Variants in TTC7B observed in about 807,000 individuals in gnomAD.
TTC7B encodes the protein tetratricopeptide repeat protein 7B.
TTC7B carries 28 observed loss-of-function variants against 106.8 expected under a neutral mutation model. The observed-to-expected ratio is 0.26, with a 90% CI of 0.19 to 0.36. The LOEUF (loss-of-function observed/expected upper bound fraction) is 0.36, where lower values mean the gene tolerates loss of function less well. TTC7B is among the 10% of genes least tolerant of loss of function. The pLI is 1.00. For missense variants in TTC7B, 862 were observed against 1,076.4 expected, an observed-to-expected ratio of 0.80 and a Z score of 2.79; for synonymous variants, 405 against 430.6, an observed-to-expected ratio of 0.94 and a Z score of 0.74.
chr14:90,617,399 G>A (rs1326957322), intron 16 of TTC7B, among the ~76,000 whole-genome samples: 2 of 152,160 alleles, frequency 1.3e-5, no homozygotes, highest in African/African-American at 4.8e-5. Context: ...CCTGGTTCCT[G>A]CATTAGTTAA....
chr14:90,572,438 C>T (rs117998347), intron 19 of TTC7B, among the ~76,000 whole-genome samples: 90 of 152,360 alleles, frequency 5.9e-4, no homozygotes, highest in Non-Finnish European at 9.6e-4. Flanking sequence ...CATCAATCTG[C>T]CGCACCTTCG....
intron 19 of TTC7B, among the ~76,000 whole-genome samples, chr14:90,571,780 T>A (rs1286491): frequency 0.24 from 35,842 of 152,066 alleles, 4,973 homozygotes; most frequent in African/African-American, 0.4. Context: ...AACAGAAGGG[T>A]TCAAAAGATG....
chr14:90,578,008 T>C lies in TTC7B; in HGVS notation c.2310+98A>G. On this transcript the variant is annotated intron_variant, in intron 19 of 19. Transcript: ENST00000328459. This position sits in a 1 kb window ranked among gnomAD's most constrained non-coding sequence, Gnocchi z 4.7. The stretch of plus-strand genomic sequence containing the variant: ...TGGCAAGCTAACTGCATGGGGCCTT[T>C]GGAAGCAGAAGAGGGTGTGAGGGTC... The C allele has an allele frequency of 7.0e-7, 1 of 1,422,846 alleles. No individual in the cohort carries two copies. The highest frequency in any genetic ancestry group is 2.0e-5 in the Admixed American group (1 of 49,868). The allele number at this position is 1,422,846 out of a possible 1,614,324, so 88.1% of individuals were successfully genotyped here. A position where few individuals can be genotyped will look rare whatever the true frequency, so the allele number is the denominator to read the frequency against.
chr14:90,768,801 A>G (rs1002408713), intron 3 of TTC7B, among the ~76,000 whole-genome samples: 4 of 152,268 alleles, frequency 2.6e-5, no homozygotes, highest in African/African-American at 9.6e-5. Context: ...ATTAGCAATT[A>G]TAAAACTAGT....
intron 15 of TTC7B, among the ~76,000 whole-genome samples, chr14:90,636,533 A>G (rs976186973): frequency 2.0e-5 from 3 of 151,970 alleles, no homozygotes; most frequent in Non-Finnish European, 2.9e-5. Context: ...AAAACAAAAA[A>G]GCTCTGATAG....
chr14:90,635,709 G>A (rs1230428667), intron 15 of TTC7B, among the ~76,000 whole-genome samples: 2 of 148,788 alleles, frequency 1.3e-5, no homozygotes, highest in Non-Finnish European at 3.0e-5. Flanking sequence ...TCAGTGAGCC[G>A]AGATTGCGCC....
chr14:90,607,101 C>T (rs1019506525), intron 17 of TTC7B, among the ~76,000 whole-genome samples: 6 of 152,154 alleles, frequency 3.9e-5, no homozygotes, highest in Non-Finnish European at 7.3e-5. Context: ...CTAAAACTCA[C>T]TGGTGGGTAA....
intron 19 of TTC7B, among the ~76,000 whole-genome samples, chr14:90,547,814 G>A (rs1016301858): frequency 1.3e-5 from 2 of 151,994 alleles, no homozygotes; most frequent in African/African-American, 4.8e-5. Flanking sequence ...GGGAGATTTT[G>A]GACATCCCCA....
At chr14:90,588,124 A>T (rs1891797503) in intron 18 of TTC7B, among the ~76,000 whole-genome samples, 1 of 152,116 alleles carries the variant, frequency 6.6e-6, no homozygotes, top group Non-Finnish European at 1.5e-5. Flanking sequence ...CTGTCTGGGA[A>T]CTGTCTTCAT....
intron 15 of TTC7B, among the ~76,000 whole-genome samples, chr14:90,643,810 T>A (rs1427671009): frequency 6.6e-6 from 1 of 152,176 alleles, no homozygotes; most frequent in Non-Finnish European, 1.5e-5. Context: ...CTCAAACTCC[T>A]GACCTCAGGT....
At chr14:90,806,164 C>T (rs531039640) in intron 1 of TTC7B, among the ~76,000 whole-genome samples, 35 of 152,356 alleles carry the variant, frequency 2.3e-4, no homozygotes, top group Admixed American at 4.6e-4. Context: ...CTCGCCCTCC[C>T]GGGGCTGAGA....
chr14:90,601,838 C>T (rs1892437534), intron 17 of TTC7B, among the ~76,000 whole-genome samples: 1 of 152,158 alleles, frequency 6.6e-6, no homozygotes, highest in African/African-American at 2.4e-5. Flanking sequence ...GGGCGGTGTA[C>T]ATAGAATAAC....
intron 5 of TTC7B, among the ~76,000 whole-genome samples, chr14:90,703,723 A>G (rs79194012): frequency 0.18 from 27,769 of 152,244 alleles, 2,691 homozygotes; most frequent in East Asian, 0.3. Flanking sequence ...GTTCAAAACC[A>G]TAACATAGAA....
At chr14:90,552,116 G>A (rs1448700931) in intron 19 of TTC7B, among the ~76,000 whole-genome samples, 1 of 152,188 alleles carries the variant, frequency 6.6e-6, no homozygotes. Context: ...CTCCACAGGG[G>A]CCAGGTCCTG....
intron 5 of TTC7B, chr14:90,699,354 T>C (rs1326192240): frequency 2.6e-6 from 1 of 385,118 alleles, no homozygotes; most frequent in East Asian, 7.6e-5. Context: ...GCTACTTCAA[T>C]AATAAGCTCA....
At chr14:90,697,227 C>G (rs1887789561) in intron 5 of TTC7B, 1 of 149,792 alleles carries the variant, frequency 6.7e-6, no homozygotes, top group Non-Finnish European at 1.5e-5. Flanking sequence ...CCAGGGAAGC[C>G]TACAAATAGG....
intron 3 of TTC7B, among the ~76,000 whole-genome samples, chr14:90,780,107 C>T (rs1891158488): frequency 6.6e-6 from 1 of 152,042 alleles, no homozygotes; most frequent in African/African-American, 2.4e-5. Context: ...TGAAGCTGGG[C>T]GCGGTGGCTC....
intron 15 of TTC7B, among the ~76,000 whole-genome samples, chr14:90,628,969 G>A (rs1249237227): frequency 6.6e-6 from 1 of 152,268 alleles, no homozygotes; most frequent in Admixed American, 6.5e-5. Context: ...GCACGCTCCA[G>A]CGTGATTCTG....
intron 5 of TTC7B, chr14:90,698,564 T>A (rs979148658): frequency 1.3e-5 from 2 of 152,324 alleles, no homozygotes; most frequent in Non-Finnish European, 2.9e-5. Flanking sequence ...GAATTCATTA[T>A]GGTAAACTAT....
Sources: allele counts gnomAD v4.1 joint callset (sites outside exome capture counted in the v4.1 genomes callset), GRCh38; gene constraint gnomAD v4.1.1; non-coding constraint Gnocchi (gnomAD v3.1); transcripts MANE v1.5; gene names NCBI Gene and HGNC (gene_info 2026-07-23, HGNC 2026-07-21).